Variants in CPNE4 observed in about 807,000 individuals in gnomAD.
CPNE4 encodes the protein copine 4.
Under a neutral mutation model 67.9 loss-of-function variants are expected in CPNE4, and 25 were observed. The ratio of observed to expected loss-of-function variants is 0.37; its 90% confidence interval spans 0.27 to 0.51. CPNE4 has a LOEUF of 0.51. CPNE4 is among the 20% of genes least tolerant of loss of function. The pLI is 0.93. For missense variants in CPNE4, 464 were observed against 690.8 expected, an observed-to-expected ratio of 0.67 and a Z score of 3.68; for synonymous variants, 242 against 244.9, an observed-to-expected ratio of 0.99 and a Z score of 0.11.
At chr3:131,750,874 T>C (rs1404836642) in intron 2 of CPNE4, among the ~76,000 whole-genome samples, 1 of 152,134 alleles carries the variant, frequency 6.6e-6, no homozygotes, top group African/African-American at 2.4e-5. Context: ...CATTTGAGAA[T>C]GTTTTGATTT....
chr3:131,811,928 C>G (rs779007950), intron 2 of CPNE4, among the ~76,000 whole-genome samples: 1 of 152,144 alleles, frequency 6.6e-6, no homozygotes, highest in African/African-American at 2.4e-5. Context: ...CAGCTAACAA[C>G]TGGCAAAAGA....
intron 2 of CPNE4, among the ~76,000 whole-genome samples, chr3:131,877,303 A>AGG (rs1213217166): frequency 6.6e-6 from 1 of 152,172 alleles, no homozygotes; most frequent in Non-Finnish European, 1.5e-5. Context: ...TTCTGTGTCC[A>AGG]GGGGGCAACA....
intron 1 of CPNE4, among the ~76,000 whole-genome samples, chr3:131,992,826 T>C (rs2073201367): frequency 7.4e-6 from 1 of 135,674 alleles, no homozygotes; most frequent in South Asian, 2.6e-4. Context: ...AGTGAGTGAG[T>C]TCTCACGAGA....
At chr3:132,022,467 TA>T (rs1296480940) in intron 1 of CPNE4, among the ~76,000 whole-genome samples, 4 of 151,852 alleles carry the variant, frequency 2.6e-5, no homozygotes, top group South Asian at 2.1e-4. Context: ...TGATGTTGCA[TA>T]AAAAAACAGG....
intron 2 of CPNE4, among the ~76,000 whole-genome samples, chr3:131,890,752 T>A (rs2088082574): frequency 1.3e-5 from 2 of 152,112 alleles, no homozygotes; most frequent in Admixed American, 1.3e-4. Context: ...TACAATGAAA[T>A]ATTACCTAGC....
chr3:131,897,569 C>A (rs1007047137), intron 2 of CPNE4, among the ~76,000 whole-genome samples: 1 of 151,924 alleles, frequency 6.6e-6, no homozygotes, highest in African/African-American at 2.4e-5. Context: ...ACACTATATA[C>A]AATTTTTTTT....
chr3:131,718,071 T>C (rs568100885), intron 3 of CPNE4, among the ~76,000 whole-genome samples: 213 of 152,038 alleles, frequency 1.4e-3, no homozygotes, highest in Non-Finnish European at 2.4e-3. Context: ...CTCGGCTAAC[T>C]GCAACCTCTG....
intron 2 of CPNE4, among the ~76,000 whole-genome samples, chr3:131,861,281 A>C (rs2086666938): frequency 6.6e-6 from 1 of 152,184 alleles, no homozygotes. Context: ...CTCAGGACTG[A>C]GTCTGATTCT....
intron 2 of CPNE4, among the ~76,000 whole-genome samples, chr3:131,765,608 G>T (rs1288488279): frequency 6.6e-6 from 1 of 151,994 alleles, no homozygotes; most frequent in African/African-American, 2.4e-5. Context: ...CTCTGTCAAG[G>T]TCCTTTACTA....
At chr3:131,807,428 C>G (rs2084360158) in intron 2 of CPNE4, among the ~76,000 whole-genome samples, 1 of 152,178 alleles carries the variant, frequency 6.6e-6, no homozygotes, top group Non-Finnish European at 1.5e-5. Context: ...CAGATCTACT[C>G]TATTATACCT....
chr3:131,790,652 C>T lies in CPNE4; in HGVS notation c.181-67027G>A, dbSNP rs2083692796. ...AGCTGTGGCATCACCTCATCTGAAA[C>T]TCTTTCTTGACTTCTCTTGCCAGCT... On this transcript the variant is annotated intron_variant, in intron 2 of 15. Coordinates refer to ENST00000429747, the MANE Select transcript of CPNE4 (RefSeq NM_130808.3). 2.6e-5 allele frequency among the ~76,000 whole-genome samples: 4 copies of T among 152,238 alleles called. No homozygotes were observed. In the South Asian group the frequency reaches 8.3e-4, roughly 32 times the overall value.
intron 7 of CPNE4, among the ~76,000 whole-genome samples, chr3:131,649,328 A>T (rs1323715307): frequency 6.6e-6 from 1 of 152,194 alleles, no homozygotes; most frequent in African/African-American, 2.4e-5. Flanking sequence ...TTGTCACTGA[A>T]GAGCTACAGG....
At chr3:132,007,975 G>A (rs1208333322) in intron 1 of CPNE4, among the ~76,000 whole-genome samples, 4 of 152,092 alleles carry the variant, frequency 2.6e-5, no homozygotes, top group Non-Finnish European at 5.9e-5. Flanking sequence ...AGGCATGGCT[G>A]GAATACATTG....
intron 3 of CPNE4, among the ~76,000 whole-genome samples, chr3:131,711,266 A>G (rs2107722820): frequency 6.6e-6 from 1 of 152,300 alleles, no homozygotes; most frequent in Middle Eastern, 3.4e-3. Flanking sequence ...AGAGAGCAGC[A>G]CAGAGATGCC....
intron 2 of CPNE4, among the ~76,000 whole-genome samples, chr3:131,840,942 C>T (rs2085755969): frequency 1.3e-5 from 2 of 152,162 alleles, no homozygotes; most frequent in South Asian, 2.1e-4. Context: ...CCTGCCTGCA[C>T]CCACACATTT....
At chr3:132,015,382 C>T (rs889946846) in intron 1 of CPNE4, among the ~76,000 whole-genome samples, 1 of 152,074 alleles carries the variant, frequency 6.6e-6, no homozygotes, top group African/African-American at 2.4e-5. Context: ...TTCCTTTCTG[C>T]TAGAAGGTAA....
chr3:132,023,580 C>T (rs1406416668), intron 1 of CPNE4, among the ~76,000 whole-genome samples: 1 of 142,420 alleles, frequency 7.0e-6, no homozygotes, highest in Non-Finnish European at 1.5e-5. Context: ...CTCCGCCTCC[C>T]GGGTTCACGC....
intron 1 of CPNE4, among the ~76,000 whole-genome samples, chr3:131,947,235 ATTTTTT>A (rs2071578842): frequency 6.6e-6 from 1 of 151,362 alleles, no homozygotes; most frequent in East Asian, 2.0e-4. Context: ...CCCTTTTTTT[ATTTTTT>A]AAGTTCTGGG....
At chr3:131,552,639 ACAAT>A (rs777623654) in intron 12 of CPNE4, 148 bp from the exon 13 acceptor site, 42 of 606,600 alleles carry the variant, frequency 6.9e-5, no homozygotes, top group Non-Finnish European at 1.0e-4. Flanking sequence ...AAGCCTTTAC[ACAAT>A]CAATATGAGA....
Sources: gnomAD v4.1 joint callset for allele counts (sites outside exome capture counted in the v4.1 genomes callset) on GRCh38, gnomAD v4.1.1 for gene constraint, MANE v1.5 for transcripts, NCBI Gene and HGNC (gene_info 2026-07-23, HGNC 2026-07-21) for gene names.